The following CREBRF variants were observed in gnomAD, a reference collection of about 807,000 sequenced individuals.
The protein encoded by CREBRF is UPF0474 protein C5orf41.
A neutral mutation model predicts 66.1 loss-of-function variants in CREBRF; 5 were observed. The observed-to-expected ratio is 0.08, with a 90% CI of 0.04 to 0.16. The LOEUF is 0.16. Ranked by LOEUF, CREBRF falls within the 10% of genes least tolerant of loss-of-function variation. The pLI, the probability that CREBRF is intolerant of heterozygous loss-of-function variation, is 1.00. For missense variants in CREBRF, 531 were observed against 744.9 expected, an observed-to-expected ratio of 0.71 and a Z score of 3.34; for synonymous variants, 229 against 264.4, an observed-to-expected ratio of 0.87 and a Z score of 1.30.
chr5:173,133,341 GTTTGGACTGTTA>G (rs1489625710), intron 8 of CREBRF, among the ~76,000 whole-genome samples: 3 of 152,162 alleles, frequency 2.0e-5, no homozygotes, highest in Non-Finnish European at 4.4e-5. Context: ...TTGGGTTTGG[GTTTGGACTGTTA>G]TTTGGACTGT....
chr5:173,113,807 C>T (rs1404843918), intron 7 of CREBRF, among the ~76,000 whole-genome samples: 1 of 152,154 alleles, frequency 6.6e-6, no homozygotes, highest in Admixed American at 6.5e-5. Context: ...TCTTACACAT[C>T]TAGAACCCTT....
At chr5:173,092,229 A>T in intron 4 of CREBRF, 4 of 971,102 alleles carry the variant, frequency 4.1e-6, no homozygotes, top group Non-Finnish European at 4.9e-6. Context: ...AAGTCTATTT[A>T]TGAATAATGT....
rs183866984 is a variant in CREBRF, at chr5:173,115,295, C to G, written c.1681+2916C>G. Among the ~76,000 whole-genome samples the G allele has an allele frequency of 1.0e-3, 154 of 152,038 alleles. 2 individuals are homozygous for G. Among genetic ancestry groups the G allele is most frequent in the Admixed American group, 3.0e-3 (46 of 15,262 alleles). On this transcript the variant is annotated intron_variant, in intron 7 of 8. Coordinates refer to ENST00000296953, the MANE Select transcript of CREBRF (RefSeq NM_153607.3). ...GCTAATTTTGTATTTTTAGTAGAGA[C>G]AGGGTTTCTTCATGTTGGTCAGGCT...
intron 1 of CREBRF, among the ~76,000 whole-genome samples, chr5:173,076,842 C>A (rs1032364719): frequency 6.7e-6 from 1 of 150,246 alleles, no homozygotes; most frequent in African/African-American, 2.5e-5. Context: ...GAGAGAGGAA[C>A]AAGACCTCTG....
chr5:173,120,572 G>C (rs919248542), intron 7 of CREBRF, among the ~76,000 whole-genome samples: 2 of 150,196 alleles, frequency 1.3e-5, no homozygotes, highest in Admixed American at 1.3e-4. Context: ...GTATAGATGG[G>C]GTTTCACTGT....
intron 1 of CREBRF, chr5:173,068,204 C>T (rs1307209859): frequency 2.3e-6 from 1 of 427,070 alleles, no homozygotes; most frequent in Non-Finnish European, 4.7e-6. Context: ...TACTGACTGC[C>T]TGATGGAGGA....
chr5:173,079,162 T>G (rs1398512865), intron 1 of CREBRF, among the ~76,000 whole-genome samples: 1 of 152,126 alleles, frequency 6.6e-6, no homozygotes, highest in African/African-American at 2.4e-5. Context: ...AAAAGCATAG[T>G]TAACTGTTTC....
intron 4 of CREBRF, among the ~76,000 whole-genome samples, chr5:173,102,991 A>C (rs902502349): frequency 6.6e-6 from 1 of 152,196 alleles, no homozygotes; most frequent in African/African-American, 2.4e-5. Flanking sequence ...CTGTGAAGGG[A>C]GATCACATGG....
intron 7 of CREBRF, among the ~76,000 whole-genome samples, chr5:173,117,588 T>TCCTC (rs1759026532): frequency 2.1e-5 from 1 of 46,584 alleles, no homozygotes; most frequent in Non-Finnish European, 4.6e-5. Flanking sequence ...CCTCCTTCCT[T>TCCTC]CCTTCCTTCC....
At chr5:173,103,169 C>T (rs552534086) in intron 4 of CREBRF, among the ~76,000 whole-genome samples, 1 of 152,300 alleles carries the variant, frequency 6.6e-6, no homozygotes, top group East Asian at 1.9e-4. Flanking sequence ...AGGCATTTGG[C>T]AGGGTCAAGT....
intron 4 of CREBRF, among the ~76,000 whole-genome samples, chr5:173,104,991 G>A (rs1392956495): frequency 6.6e-6 from 1 of 152,120 alleles, no homozygotes; most frequent in African/African-American, 2.4e-5. Flanking sequence ...CACAAGAAAA[G>A]TGGGAAGCCC....
chr5:173,073,535 C>T (rs533327929), intron 1 of CREBRF, among the ~76,000 whole-genome samples: 1 of 152,304 alleles, frequency 6.6e-6, no homozygotes, highest in Admixed American at 6.5e-5. Flanking sequence ...GTTCCATGCT[C>T]TTATTCTTGT....
At position 173,080,677 on chromosome 5, in the gene CREBRF, T is replaced by C. The variant is rs1757914798; in HGVS notation, c.-99T>C. 3.2e-6 allele frequency: 4 copies of C among 1,242,230 alleles called. No individual in the cohort carries two copies. In the Admixed American group the frequency reaches 7.3e-5, roughly 23 times the overall value. 77.0% of individuals were successfully genotyped at this position (1,242,230 alleles called of 1,614,324 possible). A position where few individuals can be genotyped will look rare whatever the true frequency, so the allele number is the denominator to read the frequency against. ...GGAAACCTGCTGTTTATTGTGGAAA[T>C]CATCTTCGATCTTGGAATTGAAAGT... On this transcript the variant is annotated 5_prime_UTR_variant, in exon 2 of 9. Transcript: ENST00000296953.
intron 8 of CREBRF, among the ~76,000 whole-genome samples, chr5:173,130,916 A>G (rs1759409205): frequency 6.6e-6 from 1 of 152,154 alleles, no homozygotes; most frequent in Non-Finnish European, 1.5e-5. Context: ...CATGTTGGCC[A>G]GGCTGGTCTC....
At position 173,123,304 on chromosome 5, in the gene CREBRF, G is replaced by C. The variant is rs545027712; in HGVS notation, c.1804+102G>C. The C allele has an allele frequency of 2.7e-6, 3 of 1,124,740 alleles. No homozygotes were observed. In the Admixed American group the frequency reaches 8.9e-5, roughly 33 times the overall value. 69.7% of individuals were successfully genotyped at this position (1,124,740 alleles called of 1,614,324 possible). A position where few individuals can be genotyped will look rare whatever the true frequency, so the allele number is the denominator to read the frequency against. On this transcript the variant is annotated intron_variant, in intron 8 of 8. Coordinates refer to ENST00000296953, the MANE Select transcript of CREBRF (RefSeq NM_153607.3). ...TCTTTTAGTTTAAGGAAAAACTCAAGTGCTCTCATTGTAATTACTCTCCTT... is the reference window on the plus strand; with the variant it reads ...TCTTTTAGTTTAAGGAAAAACTCAACTGCTCTCATTGTAATTACTCTCCTT...
chr5:173,111,920 A>G (rs1758879088), intron 6 of CREBRF, among the ~76,000 whole-genome samples: 2 of 152,016 alleles, frequency 1.3e-5, no homozygotes, highest in Admixed American at 6.6e-5. Flanking sequence ...GTTTGTTTTT[A>G]TTTTTGTTTT....
At chr5:173,067,814 C>T (rs544991181) in intron 1 of CREBRF, among the ~76,000 whole-genome samples, 9 of 152,116 alleles carry the variant, frequency 5.9e-5, no homozygotes, top group African/African-American at 1.4e-4. Flanking sequence ...TCTTGGCTAA[C>T]GCAGTGAAAC....
intron 6 of CREBRF, among the ~76,000 whole-genome samples, chr5:173,111,635 T>C (rs576687393): frequency 1.5e-3 from 225 of 152,362 alleles, no homozygotes; most frequent in Middle Eastern, 3.4e-3. Context: ...TGGGTGGGGA[T>C]ATACTACAGT....
chr5:173,124,765 G>A (rs1759226740), intron 8 of CREBRF, among the ~76,000 whole-genome samples: 1 of 151,768 alleles, frequency 6.6e-6, no homozygotes, highest in African/African-American at 2.4e-5. Flanking sequence ...ACTTTCAAAT[G>A]TTTTTAGTGT....
Sources: gnomAD v4.1 joint callset for allele counts (sites outside exome capture counted in the v4.1 genomes callset) on GRCh38, gnomAD v4.1.1 for gene constraint, MANE v1.5 for transcripts, NCBI Gene and HGNC (gene_info 2026-07-23, HGNC 2026-07-21) for gene names.